The following DNAH10 variants were observed in gnomAD, a reference collection of about 807,000 sequenced individuals.
DNAH10 encodes axonemal beta dynein heavy chain 10.
In DNAH10, 348 loss-of-function variants were observed where a neutral mutation model predicts 506.6. The ratio of observed to expected loss-of-function variants is 0.69; its 90% CI spans 0.63 to 0.75. The LOEUF is 0.75. Among genes scored for constraint, DNAH10 ranks in the 30% least tolerant of loss-of-function variants. The pLI is 0.00. For missense variants in DNAH10, 5,179 were observed against 5,787.1 expected (o/e 0.89, Z 3.41); for synonymous variants, 2,059 against 2,198.6 (o/e 0.94, Z 1.78).
rs199800946 is a variant in DNAH10, at chr12:123,929,712, C to T, written c.12565C>T (p.Arg4189Trp). Residue 4189 changes from arginine (R) to tryptophan (W), a missense_variant, in exon 72 of 79, where the codon CGG becomes TGG. Coordinates refer to ENST00000673944, the MANE Select transcript of DNAH10 (RefSeq NM_001372106.1). Reference sequence around the variant, plus strand: ...GTACTTAACGAAAGCCTTCCAGCAACGGGACCCAAGGATCCCGTGGGGCAG... The same window carrying T: ...GTACTTAACGAAAGCCTTCCAGCAATGGGACCCAAGGATCCCGTGGGGCAG... ...NTYLTKAFQQ[R>W]DPRIPWGSLK... 1.8e-4 allele frequency: 295 copies of T among 1,613,460 alleles called. No individual in the cohort carries two copies. Among genetic ancestry groups the T allele is most frequent in the Non-Finnish European group, 2.4e-4 (282 of 1,179,764 alleles).
chr12:123,901,295 G>T (rs575540712), intron 56 of DNAH10, among the ~76,000 whole-genome samples: 4 of 151,988 alleles, frequency 2.6e-5, no homozygotes, highest in African/African-American at 9.7e-5. Flanking sequence ...CCACCCCCGC[G>T]CCTCAGCACG....
intron 47 of DNAH10, among the ~76,000 whole-genome samples, chr12:123,877,369 T>C (rs886155007): frequency 1.3e-5 from 2 of 152,174 alleles, no homozygotes; most frequent in Non-Finnish European, 2.9e-5. Context: ...TGGAGTGCAA[T>C]GGCGTGATCT....
In DNAH10 at chr12:123,861,095, C is replaced by A; in HGVS notation, c.6833C>A (p.Thr2278Asn). 3 of 1,613,928 alleles carry A rather than the reference C, an allele frequency of 1.9e-6. No individual in the cohort carries two copies. Among genetic ancestry groups the A allele is most frequent in the Non-Finnish European group, 1.7e-6 (2 of 1,179,890 alleles). ...CTCTACGGCATCCTGGACCCAACCA[C>A]CCGAGACTGGACAGATGGGGTGTTG... is the stretch of plus-strand genomic sequence containing the variant. ...IELYGILDPT[T>N]RDWTDGVLSN... The change falls in exon 39 of 79, where the codon ACC becomes AAC. Residue 2278 changes from threonine to asparagine, a missense_variant. Around this residue, in one of 3 missense-constraint regions of DNAH10, gnomAD observed 4,844 missense variants for 5,430.5 expected, o/e 0.89. Coordinates refer to ENST00000673944, the MANE Select transcript of DNAH10 (RefSeq NM_001372106.1).
chr12:123,835,308 T>G, intron 27 of DNAH10, 98 bp from the exon 28 acceptor site: 1 of 1,397,986 alleles, frequency 7.2e-7, no homozygotes, highest in Non-Finnish European at 9.6e-7. Flanking sequence ...CCCACCTGAG[T>G]TGATTTGGTT....
intron 51 of DNAH10, chr12:123,882,066 A>G (rs150961025): frequency 7.1e-5 from 26 of 368,474 alleles, no homozygotes; most frequent in African/African-American, 4.8e-4. Flanking sequence ...TAAAATAATC[A>G]TAAGTCAAAA....
intron 1 of DNAH10, among the ~76,000 whole-genome samples, chr12:123,763,806 T>A (rs1160124861): frequency 1.3e-5 from 2 of 151,640 alleles, no homozygotes; most frequent in Non-Finnish European, 2.9e-5. Context: ...CAAGTGATCC[T>A]CCCGCCTCGG....
At chr12:123,782,250 A>G (rs1957682400) in intron 6 of DNAH10, among the ~76,000 whole-genome samples, 1 of 148,444 alleles carries the variant, frequency 6.7e-6, no homozygotes, top group Admixed American at 6.8e-5. Context: ...TTCTTGTTTG[A>G]TGGATGCTAT....
rs1321575381 is a variant in DNAH10 at position 123,864,142 on chromosome 12, T to C, written c.6909-453T>C. ...TTGGCAAAGAACTCAAACTTTTTTT[T>C]CTTTTTTTTTTTTTTTTTTTTGAGA... is the stretch of plus-strand genomic sequence containing the variant. On this transcript the variant is annotated intron_variant, in intron 39 of 78. Transcript: ENST00000673944. Among the ~76,000 whole-genome samples the C allele has an allele frequency of 4.5e-5, 6 of 133,000 alleles. No homozygotes were observed. The East Asian group carries it at 8.3e-4, about 18-fold the overall frequency. 87.3% of individuals were successfully genotyped at this position (133,000 alleles called of 152,430 possible). A position where few individuals can be genotyped will look rare whatever the true frequency, so the allele number is the denominator to read the frequency against.
Position 123,902,909 on chromosome 12 carries a change from GCTTTA to G in DNAH10, c.9641-27_9641-23del. ...GCGAGTGCATCTCCTCTGAGCCCAA[GCTTTA>G]CTCACCCCCTGTCCTACCCTGCAGC... On this transcript the variant is annotated intron_variant, in intron 56 of 78. Transcript: ENST00000673944. This position sits in a 1 kb window ranked among gnomAD's most constrained non-coding sequence, Gnocchi z 4.5. 6.4e-7 allele frequency: 1 copy of G among 1,557,088 alleles called. No homozygotes were observed. Among genetic ancestry groups the G allele is most frequent in the Non-Finnish European group, 8.7e-7 (1 of 1,150,982 alleles).
Position 123,932,000 on chromosome 12 carries a change from T to A in DNAH10, c.13188T>A (p.Phe4396Leu). 6.2e-7 allele frequency: 1 copy of A among 1,614,060 alleles called. No individual in the cohort carries two copies. Among genetic ancestry groups the A allele is most frequent in the South Asian group, 1.1e-5 (1 of 91,084 alleles). The change falls in exon 76 of 79, where the codon TTT (phenylalanine) becomes TTA (leucine). Residue 4396 changes from phenylalanine (F) to leucine (L), a missense_variant. Physicochemically the swap from Phe to Leu is conservative, Grantham distance 22. Around this residue, in one of 3 missense-constraint regions of DNAH10, gnomAD observed 4,844 missense variants for 5,430.5 expected, o/e 0.89. Transcript: ENST00000673944. ...TAGATGATGTGGCCAGGTCTCTTTT[T>A]ATCGGGCATATCCCTAATATCTGGA... ...NELDDVARSL[F>L]IGHIPNIWRR...
chr12:123,841,662 A>G (rs1471556038), intron 30 of DNAH10, 117 bp downstream of exon 30: 4 of 906,468 alleles, frequency 4.4e-6, no homozygotes, highest in Non-Finnish European at 3.3e-6. Context: ...TTTTTTTGCA[A>G]TAGGTCATTA....
chr12:123,874,919 A>G (rs749678364), intron 46 of DNAH10, among the ~76,000 whole-genome samples: 2 of 152,164 alleles, frequency 1.3e-5, no homozygotes, highest in African/African-American at 4.8e-5. Flanking sequence ...CTGTCCATCC[A>G]TCCATCCGTT....
intron 12 of DNAH10, among the ~76,000 whole-genome samples, chr12:123,794,792 A>G (rs1958213158): frequency 6.6e-6 from 1 of 150,894 alleles, no homozygotes; most frequent in African/African-American, 2.4e-5. Flanking sequence ...GGCTGCAGTG[A>G]GCCATGATCT....
intron 35 of DNAH10, 45 bp downstream of exon 35, chr12:123,851,121 C>T: frequency 6.6e-7 from 1 of 1,520,114 alleles, no homozygotes; most frequent in Non-Finnish European, 8.8e-7. Context: ...CAGACTTCAC[C>T]CGGGTCTGCT....
Position 123,784,147 on chromosome 12 carries a change from C to A in DNAH10, c.1200C>A (p.Arg400=). ...KFHTEASDNV[R]FLSTVERYFK... is the part of the protein sequence containing the mutation. The stretch of plus-strand genomic sequence containing the variant: ...ACACGGAGGCCTCAGACAATGTGCG[C>A]TTTCTCTCCACCGTGGAGCGTTATT... Residue 400 remains arginine, a synonymous_variant, in exon 8 of 79, where the codon CGC becomes CGA. Transcript: ENST00000673944. 6.2e-7 allele frequency: 1 copy of A among 1,614,250 alleles called. No homozygotes were observed. Among genetic ancestry groups the A allele is most frequent in the East Asian group, 2.2e-5 (1 of 44,890 alleles).
Position 123,924,443 on chromosome 12 carries a change from G to T in DNAH10, c.11766+11G>T. ...ACTGTCTGGCAGGAGGTGAGCCCAC[G>T]TTCCCTTTCTCCTCCTCTCCTTCCC... On this transcript the variant is annotated intron_variant, in intron 67 of 78. Transcript: ENST00000673944. 1 of 1,607,114 alleles carries T rather than the reference G, an allele frequency of 6.2e-7. No homozygotes were observed. Among genetic ancestry groups the T allele is most frequent in the Non-Finnish European group, 8.5e-7 (1 of 1,174,480 alleles).
chr12:123,906,269 TC>T (rs1953776200), intron 57 of DNAH10, among the ~76,000 whole-genome samples: 1 of 147,586 alleles, frequency 6.8e-6, no homozygotes, highest in South Asian at 2.1e-4. Flanking sequence ...TGAGACAGAG[TC>T]TCATTCTGTC....
At chr12:123,842,208 C>G (rs1030305430) in intron 30 of DNAH10, among the ~76,000 whole-genome samples, 1 of 152,218 alleles carries the variant, frequency 6.6e-6, no homozygotes, top group Admixed American at 6.5e-5. Flanking sequence ...TCCCAGCACC[C>G]TTAGCGTGTG....
intron 42 of DNAH10, 103 bp downstream of exon 42, chr12:123,867,704 A>G (rs920182137): frequency 3.7e-5 from 56 of 1,527,128 alleles, no homozygotes; most frequent in Non-Finnish European, 4.5e-5. Context: ...GGTGAACAGT[A>G]GCATTGTTGG....
Sources: allele counts gnomAD v4.1 joint callset (sites outside exome capture counted in the v4.1 genomes callset), GRCh38; gene constraint gnomAD v4.1.1; regional missense constraint gnomAD v4.1.1; non-coding constraint Gnocchi (gnomAD v3.1); transcripts MANE v1.5; gene names NCBI Gene and HGNC (gene_info 2026-07-23, HGNC 2026-07-21).